The following CHRNA7 variants were observed in gnomAD, a reference collection of about 807,000 sequenced individuals.
The protein encoded by CHRNA7 is cholinergic receptor nicotinic alpha 7 subunit.
A neutral mutation model predicts 48.0 loss-of-function variants in CHRNA7; 17 were observed. The observed-to-expected ratio is 0.35, with a 90% CI of 0.24 to 0.53. The LOEUF is 0.53. CHRNA7 is among the 20% of genes least tolerant of loss of function. The pLI is 0.92. For synonymous variants in CHRNA7, 75 were observed against 242.3 expected, an observed-to-expected ratio of 0.31 and a Z score of 6.41; for missense variants, 155 against 577.7, an observed-to-expected ratio of 0.27 and a Z score of 7.50.
At chr15:32,098,064 A>G (rs2050501939) in intron 2 of CHRNA7, among the ~76,000 whole-genome samples, 1 of 152,212 alleles carries the variant, frequency 6.6e-6, no homozygotes, top group African/African-American at 2.4e-5. Context: ...GGGAACTATA[A>G]TTCCATCTGG....
At chr15:32,111,011 T>C (rs1339158814) in intron 3 of CHRNA7, among the ~76,000 whole-genome samples, 1 of 152,102 alleles carries the variant, frequency 6.6e-6, no homozygotes, top group East Asian at 1.9e-4. Context: ...TGGTGCTGGT[T>C]ATGTGGCAGC....
chr15:32,127,855 T>C (rs1479585446), intron 4 of CHRNA7, among the ~76,000 whole-genome samples: 4 of 152,096 alleles, frequency 2.6e-5, no homozygotes, highest in Admixed American at 2.6e-4. Context: ...CTTTGATGGA[T>C]TGTGTTTTTG....
At chr15:32,089,588 A>C (rs1396441123) in intron 2 of CHRNA7, among the ~76,000 whole-genome samples, 2 of 152,118 alleles carry the variant, frequency 1.3e-5, no homozygotes, top group Non-Finnish European at 2.9e-5. Context: ...GATGTTACCC[A>C]ACTGCTTTTG....
intron 3 of CHRNA7, among the ~76,000 whole-genome samples, chr15:32,110,517 A>G (rs950553700): frequency 1.3e-5 from 2 of 152,192 alleles, no homozygotes; most frequent in Non-Finnish European, 2.9e-5. Context: ...CTTTGATGTC[A>G]GATTAGATCC....
At chr15:32,055,635 C>G (rs2049774181) in intron 2 of CHRNA7, among the ~76,000 whole-genome samples, 1 of 152,180 alleles carries the variant, frequency 6.6e-6, no homozygotes, top group African/African-American at 2.4e-5. Context: ...CCAATACCAT[C>G]CTAGTGGAAA....
At chr15:32,070,669 C>CTTTTTTTTTTTTTTTTTTTTTTTT (rs71113441) in intron 2 of CHRNA7, among the ~76,000 whole-genome samples, 2 of 40,894 alleles carry the variant, frequency 4.9e-5, no homozygotes, top group African/African-American at 1.9e-4. Context: ...GGTTTAGTTC[C>CTTTTTTTTTTTTTTTTTTTTTTTT]TTTTTTTTTT....
chr15:32,130,761 G>C (rs1167753348), intron 4 of CHRNA7, among the ~76,000 whole-genome samples: 2 of 151,800 alleles, frequency 1.3e-5, no homozygotes, highest in Non-Finnish European at 2.9e-5. Context: ...ACTGGTTCAA[G>C]TAAAGTAGAT....
At chr15:32,132,352 G>A (rs1358439047) in intron 4 of CHRNA7, among the ~76,000 whole-genome samples, 2 of 152,146 alleles carry the variant, frequency 1.3e-5, no homozygotes, top group African/African-American at 4.8e-5. Flanking sequence ...GCACCATGCC[G>A]TTCTGCCTGT....
At chr15:32,083,260 G>A (rs1490897539) in intron 2 of CHRNA7, among the ~76,000 whole-genome samples, 1 of 152,058 alleles carries the variant, frequency 6.6e-6, no homozygotes, top group Non-Finnish European at 1.5e-5. Flanking sequence ...TCTCAAGAGT[G>A]GATGTGTTAA....
chr15:32,147,450 G>A (rs537599303), intron 4 of CHRNA7, among the ~76,000 whole-genome samples: 7 of 152,348 alleles, frequency 4.6e-5, no homozygotes, highest in African/African-American at 1.7e-4. Flanking sequence ...GCTGCCAGGA[G>A]GCTGAGGAAG....
chr15:32,032,721 G>A (rs1258826868), intron 2 of CHRNA7, among the ~76,000 whole-genome samples: 1 of 152,178 alleles, frequency 6.6e-6, no homozygotes, highest in African/African-American at 2.4e-5. Flanking sequence ...GGGTGACCCT[G>A]TATTGCCTGG....
At chr15:32,151,453 C>G (rs1396960683) in intron 4 of CHRNA7, among the ~76,000 whole-genome samples, 2 of 151,588 alleles carry the variant, frequency 1.3e-5, no homozygotes, top group African/African-American at 2.4e-5. Flanking sequence ...TCTTGAAAAC[C>G]CCTTTTTTTT....
At chr15:32,030,671 C>T in intron 1 of CHRNA7, 22 bp downstream of exon 1, 4 of 1,564,330 alleles carry the variant, frequency 2.6e-6, no homozygotes, top group Non-Finnish European at 3.5e-6. Flanking sequence ...GCCTCCCCGC[C>T]CTCCACTCCT....
At chr15:32,086,215 A>C (rs2050292994) in intron 2 of CHRNA7, among the ~76,000 whole-genome samples, 1 of 151,714 alleles carries the variant, frequency 6.6e-6, no homozygotes, top group Non-Finnish European at 1.5e-5. Context: ...TAAAAATACA[A>C]AAAATTAGCT....
chr15:32,127,209 TAATC>T (rs2051082152), intron 4 of CHRNA7, among the ~76,000 whole-genome samples: 1 of 152,200 alleles, frequency 6.6e-6, no homozygotes, highest in Non-Finnish European at 1.5e-5. Context: ...GTGTAACTAT[TAATC>T]CATTAACAGA....
intron 2 of CHRNA7, among the ~76,000 whole-genome samples, chr15:32,070,649 G>T (rs2050040100): frequency 8.1e-6 from 1 of 123,618 alleles, no homozygotes; most frequent in African/African-American, 3.0e-5. Context: ...TTGTGTGTGT[G>T]AACATGTGAG....
chr15:32,105,654 G>A (rs2050657630), intron 3 of CHRNA7, among the ~76,000 whole-genome samples: 1 of 152,200 alleles, frequency 6.6e-6, no homozygotes, highest in Admixed American at 6.6e-5. Flanking sequence ...GGGAGAGAAG[G>A]AGAGGCACAA....
intron 2 of CHRNA7, among the ~76,000 whole-genome samples, chr15:32,088,494 TA>T (rs751474645): frequency 7.2e-5 from 11 of 152,236 alleles, no homozygotes; most frequent in Non-Finnish European, 1.3e-4. Context: ...TTTAGTTTTG[TA>T]AGAAACCGCC....
intron 4 of CHRNA7, among the ~76,000 whole-genome samples, chr15:32,139,803 A>G (rs967472271): frequency 4.6e-5 from 7 of 152,104 alleles, no homozygotes; most frequent in Admixed American, 6.5e-5. Context: ...TTTTCTCCCA[A>G]TCTGGAGGTC....
Sources: gnomAD v4.1 joint callset for allele counts (sites outside exome capture counted in the v4.1 genomes callset) on GRCh38, gnomAD v4.1.1 for gene constraint, MANE v1.5 for transcripts, NCBI Gene and HGNC (gene_info 2026-07-23, HGNC 2026-07-21) for gene names.